TBC1D22A: variants seen among roughly 807,000 people sequenced by gnomAD.
TBC1D22A encodes the protein putative GTPase activator.
In TBC1D22A, 38 loss-of-function variants were observed where a neutral mutation model predicts 60.2. The ratio of observed to expected loss-of-function variants is 0.63; its 90% confidence interval spans 0.49 to 0.83. The LOEUF is 0.83. Among genes scored for constraint, TBC1D22A ranks in the 40% least tolerant of loss-of-function variants. The probability of loss-of-function intolerance (pLI) is 0.00; values close to 1 mark genes in which losing one functional copy is unlikely to be tolerated. For synonymous variants in TBC1D22A, 302 were observed against 281.7 expected (o/e 1.07, Z -0.72); for missense variants, 628 against 701.0 (o/e 0.90, Z 1.18).
intron 8 of TBC1D22A, among the ~76,000 whole-genome samples, chr22:46,970,041 G>A (rs1204167353): frequency 6.6e-6 from 1 of 152,108 alleles, no homozygotes; most frequent in African/African-American, 2.4e-5. Context: ...TCCTGGCTGG[G>A]AGGAAGCTGA....
chr22:47,112,766 T>C lies in TBC1D22A; in HGVS notation c.1425+1163T>C, dbSNP rs567233124. ...GCTCGGTTGTGCCCTGCGGGGAGCA[T>C]TGAGGCGGTGATTGGCATCTCAATC... On this transcript the variant is annotated intron_variant, in intron 12 of 12. Transcript: ENST00000337137. Among the ~76,000 whole-genome samples, 17 of 149,550 alleles carry C rather than the reference T, an allele frequency of 1.1e-4. No individual in the cohort carries two copies. In the East Asian group the frequency reaches 2.6e-3, roughly 23 times the overall value.
In TBC1D22A at chr22:46,957,842, C is replaced by T. The variant is rs112651760; in HGVS notation, c.1016-16448C>T. ...CAGTTTGCCTCCTCGAGGGGAGGGA[C>T]GGCCATCAAACAGTGTGCATGGAAC... On this transcript the variant is annotated intron_variant, in intron 8 of 12. Coordinates refer to ENST00000337137, the MANE Select transcript of TBC1D22A (RefSeq NM_014346.5). Among the ~76,000 whole-genome samples the T allele has an allele frequency of 3.0e-3, 460 of 152,316 alleles. 2 individuals carry two copies. The highest frequency in any genetic ancestry group is 0.01 in the African/African-American group (424 of 41,560).
chr22:47,158,098 C>T (rs2067797071), intron 12 of TBC1D22A, among the ~76,000 whole-genome samples: 1 of 152,222 alleles, frequency 6.6e-6, no homozygotes. Flanking sequence ...CCACGGCCTT[C>T]CAGGACGCCG....
chr22:47,060,168 G>A (rs2063519449), intron 11 of TBC1D22A, among the ~76,000 whole-genome samples: 1 of 151,860 alleles, frequency 6.6e-6, no homozygotes, highest in South Asian at 2.1e-4. Context: ...AGAAGCCAGT[G>A]CTCTGCGTAC....
At chr22:46,966,228 G>A (rs951437021) in intron 8 of TBC1D22A, among the ~76,000 whole-genome samples, 1 of 152,196 alleles carries the variant, frequency 6.6e-6, no homozygotes, top group Non-Finnish European at 1.5e-5. Flanking sequence ...CTGTGCTCAT[G>A]CTTTCCAGCC....
intron 12 of TBC1D22A, among the ~76,000 whole-genome samples, chr22:47,139,172 T>C (rs2066989400): frequency 6.6e-6 from 1 of 152,142 alleles, no homozygotes; most frequent in Non-Finnish European, 1.5e-5. Context: ...ATTGCTTTGT[T>C]TATGTGCTTC....
At chr22:47,105,376 C>T (rs1234443545) in intron 11 of TBC1D22A, among the ~76,000 whole-genome samples, 2 of 152,134 alleles carry the variant, frequency 1.3e-5, no homozygotes, top group African/African-American at 4.8e-5. Context: ...AAAGGTGAGA[C>T]TATCAGAGAC....
At chr22:47,097,617 AAAAG>A (rs542389716) in intron 11 of TBC1D22A, among the ~76,000 whole-genome samples, 144 of 152,272 alleles carry the variant, frequency 9.5e-4, no homozygotes, top group African/African-American at 3.3e-3. Flanking sequence ...TCTCAAAAAA[AAAAG>A]AAAGAAAAAG....
intron 11 of TBC1D22A, among the ~76,000 whole-genome samples, chr22:47,102,617 A>C (rs1413667584): frequency 6.6e-6 from 1 of 152,212 alleles, no homozygotes; most frequent in African/African-American, 2.4e-5. Flanking sequence ...CAAATAATCC[A>C]CTTAAGTGAT....
intron 9 of TBC1D22A, among the ~76,000 whole-genome samples, chr22:46,976,967 A>G (rs2074323235): frequency 6.6e-6 from 1 of 152,222 alleles, no homozygotes; most frequent in Admixed American, 6.5e-5. Flanking sequence ...GGCAGTCCCC[A>G]TGGGAATGAA....
At chr22:46,774,148 T>C in intron 1 of TBC1D22A, 1 of 985,652 alleles carries the variant, frequency 1.0e-6, no homozygotes. Context: ...CTTGGAGCCC[T>C]GCTGAGCTCA....
intron 8 of TBC1D22A, among the ~76,000 whole-genome samples, chr22:46,964,464 T>C (rs187251604): frequency 6.6e-6 from 1 of 152,246 alleles, no homozygotes; most frequent in East Asian, 1.9e-4. Flanking sequence ...TTCTTTTCAG[T>C]GGATCATGTT....
At chr22:46,774,291 G>A (rs2083608841) in intron 1 of TBC1D22A, 1 of 982,564 alleles carries the variant, frequency 1.0e-6, no homozygotes, top group South Asian at 4.7e-5. Context: ...AAGAGGCAGA[G>A]GTATCAGGAG....
chr22:46,814,681 C>G (rs1160261457), intron 4 of TBC1D22A, among the ~76,000 whole-genome samples: 1 of 151,774 alleles, frequency 6.6e-6, no homozygotes, highest in Non-Finnish European at 1.5e-5. Flanking sequence ...GAGTCTCACT[C>G]TGTTGCCCAG....
chr22:46,866,180 C>T (rs1347683785), intron 4 of TBC1D22A, among the ~76,000 whole-genome samples: 2 of 152,222 alleles, frequency 1.3e-5, no homozygotes, highest in East Asian at 1.9e-4. Flanking sequence ...TCTTGCCTCA[C>T]CGCAACCTCC....
chr22:47,090,065 T>C (rs568889878), intron 11 of TBC1D22A, among the ~76,000 whole-genome samples: 1 of 152,210 alleles, frequency 6.6e-6, no homozygotes, highest in South Asian at 2.1e-4. Flanking sequence ...TGCGCAGCGG[T>C]CCCGTGCTAG....
intron 7 of TBC1D22A, among the ~76,000 whole-genome samples, chr22:46,902,479 G>A (rs762271685): frequency 1.3e-5 from 2 of 152,256 alleles, no homozygotes; most frequent in Non-Finnish European, 2.9e-5. Flanking sequence ...AACCATTTCA[G>A]ATTATTCTGT....
chr22:46,913,012 A>G (rs1002184036), intron 8 of TBC1D22A, among the ~76,000 whole-genome samples: 8 of 152,208 alleles, frequency 5.3e-5, no homozygotes, highest in African/African-American at 1.9e-4. Context: ...TCATGAGAGT[A>G]TTAATTACTT....
chr22:46,912,542 G>GTCTGTCTA (rs1431670593), intron 8 of TBC1D22A, among the ~76,000 whole-genome samples: 9 of 152,100 alleles, frequency 5.9e-5, no homozygotes, highest in African/African-American at 2.2e-4. Context: ...CAGTCTGTCT[G>GTCTGTCTA]TCTGTCTATC....
Sources: allele counts gnomAD v4.1 joint callset (sites outside exome capture counted in the v4.1 genomes callset), GRCh38; gene constraint gnomAD v4.1.1; transcripts MANE v1.5; gene names NCBI Gene and HGNC (gene_info 2026-07-23, HGNC 2026-07-21).